DOT1L: variants seen among roughly 807,000 people sequenced by gnomAD.
The protein encoded by DOT1L is histone-lysine N-methyltransferase, H3 lysine-79 specific.
Under a neutral mutation model 153.3 loss-of-function variants are expected in DOT1L, and 33 were observed. The observed-to-expected ratio is 0.22, with a 90% CI of 0.16 to 0.29. The LOEUF (loss-of-function observed/expected upper bound fraction) is 0.29, where lower values mean the gene tolerates loss of function less well. DOT1L is among the 10% of genes least tolerant of loss of function. DOT1L has a pLI of 1.00. For missense variants in DOT1L, 1,847 were observed against 2,119.9 expected, an observed-to-expected ratio of 0.87 and a Z score of 2.53; for synonymous variants, 1,135 against 965.1, an observed-to-expected ratio of 1.18 and a Z score of -3.26.
chr19:2,227,753 G>T, intron 27 of DOT1L: 2 of 1,318,566 alleles, frequency 1.5e-6, no homozygotes, highest in East Asian at 1.0e-4. Flanking sequence ...TTAACCACGC[G>T]GTGCCCTCCG....
At chr19:2,189,416 C>T (rs1053482642) in intron 3 of DOT1L, among the ~76,000 whole-genome samples, 3 of 152,232 alleles carry the variant, frequency 2.0e-5, no homozygotes, top group African/African-American at 7.2e-5. Flanking sequence ...CCCTCGAGCC[C>T]TCTTTCTCTC....
At chr19:2,212,117 C>G (rs2023735315) in intron 16 of DOT1L, 1 of 391,278 alleles carries the variant, frequency 2.6e-6, no homozygotes, top group South Asian at 3.2e-5. Flanking sequence ...GCAACCTTCC[C>G]CCTAGTGCAC....
rs2022238606 is a variant in DOT1L, at chr19:2,181,670, G to A, written c.125+914G>A. On this transcript the variant is annotated intron_variant, in intron 2 of 27. Transcript: ENST00000398665. The stretch of plus-strand genomic sequence containing the variant: ...CCGTGGACCAGGCAGTGGAGTAGGG[G>A]CCCCTCTGTTCTTTGTAAAAGAAGT... Among the ~76,000 whole-genome samples, 2 of 152,142 alleles carry A rather than the reference G, an allele frequency of 1.3e-5. 1 individual carries two copies. The highest frequency in any genetic ancestry group is 4.1e-4 in the South Asian group (2 of 4,832).
At chr19:2,201,544 G>T (rs1053410034) in intron 8 of DOT1L, among the ~76,000 whole-genome samples, 6 of 152,176 alleles carry the variant, frequency 3.9e-5, no homozygotes, top group African/African-American at 1.4e-4. Context: ...AGTTTCCTAG[G>T]TTCGCTCTCC....
Position 2,231,946 on chromosome 19 carries a change from C to T in DOT1L, c.*2154C>T, listed in dbSNP as rs980276730. 4.2e-5 allele frequency: 9 copies of T among 213,176 alleles called. No individual in the cohort carries two copies. The highest frequency in any genetic ancestry group is 1.9e-4 in the South Asian group (1 of 5,358). The allele number at this position is 213,176 out of a possible 1,614,324, so 13.2% of individuals were successfully genotyped here. A position where few individuals can be genotyped will look rare whatever the true frequency, so the allele number is the denominator to read the frequency against. ...CTCCTTGAGCCCACTGGGTCATATG[C>T]GTGTCACCACACGTGAACTAGTGTG... On this transcript the variant is annotated 3_prime_UTR_variant, in exon 28 of 28. Coordinates refer to ENST00000398665, the MANE Select transcript of DOT1L (RefSeq NM_032482.3).
intron 27 of DOT1L, chr19:2,228,581 TTGGGTTCCAGCTGCCCGCAGC>T (rs1365764360): frequency 6.1e-6 from 6 of 984,924 alleles, no homozygotes; most frequent in East Asian, 2.3e-4. Context: ...CCTGAGTGTG[TTGGGTTCCAGCTGCCCGCAGC>T]TGGGTTCCTG....
intron 7 of DOT1L, among the ~76,000 whole-genome samples, chr19:2,196,227 G>A (rs1352296946): frequency 1.3e-5 from 2 of 152,270 alleles, no homozygotes; most frequent in African/African-American, 2.4e-5. Flanking sequence ...GGCCCCGACC[G>A]GGGTCAGGAG....
rs2023573500 is a variant in DOT1L at position 2,208,080 on chromosome 19, C to T, written c.963+400C>T. Among the ~76,000 whole-genome samples the T allele has an allele frequency of 6.6e-6, 1 of 152,138 alleles. No homozygotes were observed. Among genetic ancestry groups the T allele is most frequent in the South Asian group, 2.1e-4 (1 of 4,826 alleles). On this transcript the variant is annotated intron_variant, in intron 11 of 27. Transcript: ENST00000398665. The surrounding 1 kb of genome is among the most constrained non-coding windows in gnomAD (Gnocchi z 4.4). Reference sequence around the variant, plus strand: ...GAGAGGGTCCTGAGCGGGGAGACACCAGGGTCCATGGGTGGGGTCTGGGAT... The same window carrying T: ...GAGAGGGTCCTGAGCGGGGAGACACTAGGGTCCATGGGTGGGGTCTGGGAT...
At chr19:2,219,723 C>G (rs1425279381) in intron 22 of DOT1L, among the ~76,000 whole-genome samples, 3 of 152,154 alleles carry the variant, frequency 2.0e-5, no homozygotes, top group Non-Finnish European at 4.4e-5. Context: ...GGTGTGTTCT[C>G]GCAAGCGCCC....
At chr19:2,223,528 G>GCACCTCCTGCCCCTGCT in intron 25 of DOT1L, 42 bp downstream of exon 25, 9 of 1,351,362 alleles carry the variant, frequency 6.7e-6, no homozygotes, top group Non-Finnish European at 8.8e-6. Flanking sequence ...CTGGCAGCAG[G>GCACCTCCTGCCCCTGCT]GGCAGGAGGT....
chr19:2,213,742 C>T lies in DOT1L; in HGVS notation c.1659+102C>T, dbSNP rs960128029. Reference sequence around the variant, plus strand: ...TTCCTGTGGCTTCCTGTCTATGCCTCTGTCCAGCTGTGTCCCAGGGGCTGG... The same window carrying T: ...TTCCTGTGGCTTCCTGTCTATGCCTTTGTCCAGCTGTGTCCCAGGGGCTGG... On this transcript the variant is annotated intron_variant, in intron 17 of 27. Transcript: ENST00000398665. 4.4e-6 allele frequency: 7 copies of T among 1,598,930 alleles called. No individual in the cohort carries two copies. In the African/African-American group the frequency reaches 6.7e-5, roughly 15 times the overall value.
chr19:2,193,734 A>G lies in DOT1L; in HGVS notation c.539A>G (p.Lys180Arg), dbSNP rs1215988344. Residue 180 changes from lysine to arginine, a missense_variant, in exon 6 of 28, where the codon AAA becomes AGA. By Grantham distance (26) the Lys-to-Arg change is conservative. Coordinates refer to ENST00000398665, the MANE Select transcript of DOT1L (RefSeq NM_032482.3). The surrounding 1 kb of genome is among the most constrained non-coding windows in gnomAD (Gnocchi z 5.9). ...CAGGTTGCTGCTGCCACCAACTGCA[A>G]ACATCACTATGGCGTCGAGAAAGCA... ...VLQVAAATNC[K>R]HHYGVEKADI... 5 of 1,614,188 alleles carry G rather than the reference A, an allele frequency of 3.1e-6. No individual in the cohort carries two copies. Among genetic ancestry groups the G allele is most frequent in the Non-Finnish European group, 3.4e-6 (4 of 1,180,000 alleles).
chr19:2,201,840 A>C (rs1312659891), intron 8 of DOT1L, among the ~76,000 whole-genome samples: 1 of 152,228 alleles, frequency 6.6e-6, no homozygotes, highest in African/African-American at 2.4e-5. Flanking sequence ...CCCTAGGCTC[A>C]GCCTGCTCTG....
chr19:2,170,252 G>C (rs1483755942), intron 1 of DOT1L, among the ~76,000 whole-genome samples: 1 of 152,218 alleles, frequency 6.6e-6, no homozygotes, highest in Non-Finnish European at 1.5e-5. Context: ...GATAGTGTCC[G>C]AGACCAGGAT....
rs62128414 is a variant in DOT1L, at chr19:2,166,565, C to T, written c.81+2300C>T. On this transcript the variant is annotated intron_variant, in intron 1 of 27. Coordinates refer to ENST00000398665, the MANE Select transcript of DOT1L (RefSeq NM_032482.3). The stretch of plus-strand genomic sequence containing the variant: ...TAGCTGGGATTACTGGCATGAGCCA[C>T]CACGTCCGGCTAATTTTGTATTTTT... Among the ~76,000 whole-genome samples the T allele has an allele frequency of 6.8e-3, 1,041 of 152,232 alleles. 5 individuals carry two copies. Among genetic ancestry groups the T allele is most frequent in the Non-Finnish European group, 0.011 (770 of 68,034 alleles).
At chr19:2,228,267 ACGGGGCCGTCCG>A in intron 27 of DOT1L, 2 of 1,359,950 alleles carry the variant, frequency 1.5e-6, no homozygotes, top group Non-Finnish European at 2.0e-6. Flanking sequence ...GGCCAGCGCC[ACGGGGCCGTCCG>A]CGGTGTGGGT....
chr19:2,221,654 G>A (rs2024119694), intron 23 of DOT1L: 1 of 395,980 alleles, frequency 2.5e-6, no homozygotes, highest in South Asian at 6.9e-5. Context: ...CGGGGCCAGA[G>A]GGCAACTTAC....
Position 2,193,834 on chromosome 19 carries a change from A to G in DOT1L, c.588+51A>G, listed in dbSNP as rs973104611. ...TGTTGGAGGCAGGGGACCATCAGAGAAAGTGACGCCCTGGGTGCCTGCACC... is the reference window on the plus strand; with the variant it reads ...TGTTGGAGGCAGGGGACCATCAGAGGAAGTGACGCCCTGGGTGCCTGCACC... On this transcript the variant is annotated intron_variant, in intron 6 of 27. Transcript: ENST00000398665. This position sits in a 1 kb window ranked among gnomAD's most constrained non-coding sequence, Gnocchi z 5.9. The G allele has an allele frequency of 3.2e-6, 5 of 1,580,718 alleles. No individual in the cohort carries two copies. The African/African-American group carries it at 6.7e-5, about 21-fold the overall frequency.
Position 2,222,037 on chromosome 19 carries a change from C to T in DOT1L, c.2868C>T (p.Leu956=). 1.2e-6 allele frequency: 2 copies of T among 1,612,888 alleles called. No individual in the cohort carries two copies. The highest frequency in any genetic ancestry group is 2.2e-5 in the East Asian group (1 of 44,876). Residue 956 remains leucine (L), a synonymous_variant, in exon 24 of 28, where the codon CTC becomes CTT. Coordinates refer to ENST00000398665, the MANE Select transcript of DOT1L (RefSeq NM_032482.3). The surrounding 1 kb of genome is among the most constrained non-coding windows in gnomAD (Gnocchi z 6.5). ...SGALAGSPAS[L]TPGAEPATLD... ...CCTTGGCGGGCAGCCCGGCCTCTCT[C>T]ACACCTGGAGCCGAGCCGGCCACCT... is the stretch of plus-strand genomic sequence containing the variant.
Sources: gnomAD v4.1 joint callset for allele counts (sites outside exome capture counted in the v4.1 genomes callset) on GRCh38, gnomAD v4.1.1 for gene constraint, Gnocchi (gnomAD v3.1) non-coding constraint, MANE v1.5 for transcripts, NCBI Gene and HGNC (gene_info 2026-07-23, HGNC 2026-07-21) for gene names.